The following TDRD9 variants were observed in gnomAD, a reference collection of about 807,000 sequenced individuals.
The protein encoded by TDRD9 is ATP-dependent RNA helicase TDRD9.
A neutral mutation model predicts 172.6 loss-of-function variants in TDRD9; 124 were observed. The ratio of observed to expected loss-of-function variants is 0.72; its 90% CI spans 0.62 to 0.83. The LOEUF is 0.83. Ranked by LOEUF, TDRD9 falls within the 40% of genes least tolerant of loss-of-function variation. TDRD9 has a pLI of 0.00. For missense variants in TDRD9, 1,479 were observed against 1,714.1 expected (o/e 0.86, Z 2.42); for synonymous variants, 619 against 617.1 (o/e 1.00, Z -0.05).
chr14:103,956,820 T>C (rs1208076169), intron 2 of TDRD9, among the ~76,000 whole-genome samples: 3 of 152,184 alleles, frequency 2.0e-5, no homozygotes, highest in Non-Finnish European at 4.4e-5. Flanking sequence ...GGAGTTTTTT[T>C]CTGAGCAAAT....
chr14:104,027,910 T>C (rs563292456), intron 28 of TDRD9, among the ~76,000 whole-genome samples: 1 of 151,630 alleles, frequency 6.6e-6, no homozygotes, highest in Admixed American at 6.6e-5. Context: ...ATTATTTCAA[T>C]TTTTTTTTAG....
chr14:104,005,423 T>G lies in TDRD9; in HGVS notation c.1713+18T>G, dbSNP rs1216448962. ...TAAAGGAGGTAGGACTGCCTGCTGGTTAGTACTGTTGGCATCTGTAGAGCT... is the reference window on the plus strand; with the variant it reads ...TAAAGGAGGTAGGACTGCCTGCTGGGTAGTACTGTTGGCATCTGTAGAGCT... On this transcript the variant is annotated intron_variant, in intron 15 of 35. Coordinates refer to ENST00000409874, the MANE Select transcript of TDRD9 (RefSeq NM_153046.3). 6.2e-7 allele frequency: 1 copy of G among 1,613,756 alleles called. No individual in the cohort carries two copies. Among genetic ancestry groups the G allele is most frequent in the South Asian group, 1.1e-5 (1 of 91,056 alleles).
chr14:103,972,241 A>G (rs1366596274), intron 6 of TDRD9, among the ~76,000 whole-genome samples: 1 of 151,866 alleles, frequency 6.6e-6, no homozygotes, highest in East Asian at 1.9e-4. Context: ...CGGGAAGCGG[A>G]GGTTGCAGTG....
At chr14:103,932,306 G>A (rs2030442463) in intron 1 of TDRD9, among the ~76,000 whole-genome samples, 1 of 152,246 alleles carries the variant, frequency 6.6e-6, no homozygotes, top group African/African-American at 2.4e-5. Flanking sequence ...TTGGATACTT[G>A]TTGAATGTTA....
chr14:103,969,277 G>C (rs1391845602), intron 5 of TDRD9, among the ~76,000 whole-genome samples: 1 of 151,574 alleles, frequency 6.6e-6, no homozygotes, highest in Non-Finnish European at 1.5e-5. Context: ...ATGTTTATGT[G>C]TTAGAAAGGC....
chr14:103,998,506 C>G, intron 12 of TDRD9, 118 bp from the exon 13 acceptor site: 3 of 681,048 alleles, frequency 4.4e-6, no homozygotes, highest in South Asian at 1.9e-5. Context: ...ACGTTTCTGC[C>G]TGTTCACTAA....
In TDRD9 at chr14:103,999,159, G is replaced by T. The variant is rs557868570; in HGVS notation, c.1483+431G>T. On this transcript the variant is annotated intron_variant, in intron 13 of 35. Coordinates refer to ENST00000409874, the MANE Select transcript of TDRD9 (RefSeq NM_153046.3). Reference sequence around the variant, plus strand: ...ACTTAGATATTTCCTTTCTTGGAACGAGTTTTAAGTTTTTAGCAATGGCTT... The same window carrying T: ...ACTTAGATATTTCCTTTCTTGGAACTAGTTTTAAGTTTTTAGCAATGGCTT... Among the ~76,000 whole-genome samples the T allele has an allele frequency of 2.6e-4, 40 of 152,288 alleles. No individual in the cohort carries two copies. The South Asian group carries it at 6.8e-3, about 26-fold the overall frequency.
rs1228068793 is a variant in TDRD9, at chr14:104,034,873, G to A, written c.3620-87G>A. 6.2e-6 allele frequency: 6 copies of A among 969,234 alleles called. No individual in the cohort carries two copies. The Middle Eastern group carries it at 8.9e-4, about 144-fold the overall frequency. 60.0% of individuals were successfully genotyped at this position (969,234 alleles called of 1,614,324 possible). On this transcript the variant is annotated intron_variant, in intron 31 of 35. Coordinates refer to ENST00000409874, the MANE Select transcript of TDRD9 (RefSeq NM_153046.3). ...AGACTCAGCAGAGGAGGGGATACCTGCAGATGAGTAGGAGCGGGCCGGGAG... is the reference window on the plus strand; with the variant it reads ...AGACTCAGCAGAGGAGGGGATACCTACAGATGAGTAGGAGCGGGCCGGGAG...
At chr14:104,017,668 G>A (rs1400560899) in intron 22 of TDRD9, among the ~76,000 whole-genome samples, 2 of 152,208 alleles carry the variant, frequency 1.3e-5, no homozygotes, top group Non-Finnish European at 2.9e-5. Flanking sequence ...TTGATCATGT[G>A]CTATTTGGTC....
At position 104,042,171 on chromosome 14, in the gene TDRD9, C is replaced by A. The variant is rs201937343; in HGVS notation, c.3958C>A (p.Arg1320Ser). 6.2e-7 allele frequency: 1 copy of A among 1,611,742 alleles called. No individual in the cohort carries two copies. The highest frequency in any genetic ancestry group is 1.1e-5 in the South Asian group (1 of 91,002). Residue 1320 changes from arginine (R) to serine (S), a missense_variant, in exon 34 of 36, where the codon CGT (arginine) becomes AGT (serine). This residue lies in a region of TDRD9 where 1,413 missense variants were observed against 1,649.1 expected (regional missense o/e 0.86). Coordinates refer to ENST00000409874, the MANE Select transcript of TDRD9 (RefSeq NM_153046.3). ...AGTTGCGCAGCTTCAAGACATTGCCCGTCAGAAGCTTTTAGGGTAAGCTGT... is the reference window on the plus strand; with the variant it reads ...AGTTGCGCAGCTTCAAGACATTGCCAGTCAGAAGCTTTTAGGGTAAGCTGT... The part of the protein sequence containing the change: ...ERVAQLQDIA[R>S]QKLLGLFCQS...
intron 24 of TDRD9, 73 bp downstream of exon 24, chr14:104,022,403 G>A (rs1053144929): frequency 8.2e-6 from 12 of 1,463,716 alleles, no homozygotes; most frequent in Admixed American, 2.0e-5. Context: ...TTACATGACC[G>A]TTGATCTGGC....
intron 28 of TDRD9, 55 bp downstream of exon 28, chr14:104,026,994 G>A: frequency 6.3e-7 from 1 of 1,577,384 alleles, no homozygotes; most frequent in Non-Finnish European, 8.6e-7. Context: ...GAACGGGGCA[G>A]GCTTTCCTTC....
intron 13 of TDRD9, among the ~76,000 whole-genome samples, chr14:104,000,038 G>A (rs944129686): frequency 6.6e-6 from 1 of 152,040 alleles, no homozygotes; most frequent in Non-Finnish European, 1.5e-5. Context: ...TTAAAATAGG[G>A]TCACAGAGGC....
intron 5 of TDRD9, among the ~76,000 whole-genome samples, chr14:103,967,648 T>G (rs879413537): frequency 1.3e-5 from 2 of 152,208 alleles, no homozygotes; most frequent in Non-Finnish European, 1.5e-5. Context: ...CAAAGCTGAG[T>G]CAGTGCGTTT....
intron 5 of TDRD9, among the ~76,000 whole-genome samples, chr14:103,969,215 G>A (rs147427040): frequency 1.3e-5 from 2 of 150,264 alleles, no homozygotes; most frequent in Admixed American, 6.7e-5. Flanking sequence ...GCCTCCTAAG[G>A]GGCTGAGGTT....
At chr14:103,984,635 A>G (rs10139271) in intron 7 of TDRD9, among the ~76,000 whole-genome samples, 65,672 of 151,982 alleles carry the variant, frequency 0.43, 14,426 homozygotes, top group Admixed American at 0.51. Flanking sequence ...GCAGGGGCGG[A>G]GCTCTCATGG....
chr14:103,941,355 C>A, intron 1 of TDRD9: 1 of 1,413,430 alleles, frequency 7.1e-7, no homozygotes, highest in Non-Finnish European at 9.5e-7. Flanking sequence ...GGAACTTGGA[C>A]TTAGCAGTAG....
chr14:103,968,630 A>G (rs547640532), intron 5 of TDRD9, among the ~76,000 whole-genome samples: 2 of 149,362 alleles, frequency 1.3e-5, no homozygotes, highest in African/African-American at 4.9e-5. Flanking sequence ...CCCCATCTCT[A>G]CTAAAAATAC....
At chr14:104,040,551 C>T (rs2273842) in intron 33 of TDRD9, among the ~76,000 whole-genome samples, 77,816 of 151,988 alleles carry the variant, frequency 0.51, 21,312 homozygotes, top group South Asian at 0.63. Context: ...AAGTAACTTC[C>T]TGATGGTGCT....
Sources: allele counts gnomAD v4.1 joint callset (sites outside exome capture counted in the v4.1 genomes callset), GRCh38; gene constraint gnomAD v4.1.1; regional missense constraint gnomAD v4.1.1; transcripts MANE v1.5; gene names NCBI Gene and HGNC (gene_info 2026-07-23, HGNC 2026-07-21).